The following TNFAIP2 variants were observed in gnomAD, a reference collection of about 807,000 sequenced individuals.
TNFAIP2 encodes the protein TNF alpha induced protein 2, also known as tumor necrosis factor alpha-induced protein 2.
A neutral mutation model predicts 63.5 loss-of-function variants in TNFAIP2; 47 were observed. The observed-to-expected ratio is 0.74, with a 90% confidence interval of 0.59 to 0.94. The LOEUF (loss-of-function observed/expected upper bound fraction) is 0.94. TNFAIP2 is among the 40% of genes least tolerant of loss of function. The pLI is 0.00. For synonymous variants in TNFAIP2, 405 were observed against 390.2 expected, an observed-to-expected ratio of 1.04 and a Z score of -0.45; for missense variants, 787 against 850.2, an observed-to-expected ratio of 0.93 and a Z score of 0.92.
Position 103,131,868 on chromosome 14 carries a change from A to T in TNFAIP2, c.1422+106A>T. 6.8e-7 allele frequency: 1 copy of T among 1,463,946 alleles called. No homozygotes were observed. The highest frequency in any genetic ancestry group is 1.4e-5 in the African/African-American group (1 of 71,738). The allele number at this position is 1,463,946 out of a possible 1,614,324, so 90.7% of individuals were successfully genotyped here. On this transcript the variant is annotated intron_variant, in intron 8 of 11. Transcript: ENST00000560869. The surrounding 1 kb of genome is among the most constrained non-coding windows in gnomAD (Gnocchi z 4.0). ...TGGCAGAAGCAAAGATGTGGGGAAG[A>T]CACGCTCCAGGCCTGTGGACGGCAC...
In TNFAIP2 at chr14:103,127,573, G is replaced by A. The variant is rs1449198481; in HGVS notation, c.804G>A (p.Glu268=). The part of the protein sequence containing the change: ...AAHLAAVAQF[E]LCERDTYMLL... The stretch of plus-strand genomic sequence containing the variant: ...ACCTGGCCGCCGTGGCGCAGTTCGA[G>A]CTGTGCGAGCGCGACACCTACATGC... Residue 268 remains glutamate, a synonymous_variant, in exon 3 of 12, where the codon GAG becomes GAA. Transcript: ENST00000560869. The surrounding 1 kb of genome is among the most constrained non-coding windows in gnomAD (Gnocchi z 5.1). 3 of 1,575,098 alleles carry A rather than the reference G, an allele frequency of 1.9e-6. No individual in the cohort carries two copies. In the African/African-American group the frequency reaches 4.0e-5, roughly 21 times the overall value.
chr14:103,131,354 AC>A lies in TNFAIP2; in HGVS notation c.1298+207del, dbSNP rs1173520478. Among the ~76,000 whole-genome samples, 1 of 152,160 alleles carries A rather than the reference AC, an allele frequency of 6.6e-6. No homozygotes were observed. The highest frequency in any genetic ancestry group is 6.5e-5 in the Admixed American group (1 of 15,286). On this transcript the variant is annotated intron_variant, in intron 7 of 11. Coordinates refer to ENST00000560869, the MANE Select transcript of TNFAIP2 (RefSeq NM_006291.4). The surrounding 1 kb of genome is among the most constrained non-coding windows in gnomAD (Gnocchi z 4.0). ...GGGCAAGCACACAGGCAGATGTTTC[AC>A]CCATTATCTTATCCTTAAAGCAACC...
In TNFAIP2 at chr14:103,126,619, G is replaced by A. The variant is rs201758932; in HGVS notation, c.162G>A (p.Lys54=). Residue 54 remains lysine, a synonymous_variant, in exon 2 of 12, where the codon AAG becomes AAA. Transcript: ENST00000560869. ...FCVFTKGKKK[K]GQPSSAEPED... Reference sequence around the variant, plus strand: ...TCTTCACCAAAGGGAAGAAGAAGAAGGGTCAGCCCAGCTCAGCGGAGCCCG... The same window carrying A: ...TCTTCACCAAAGGGAAGAAGAAGAAAGGTCAGCCCAGCTCAGCGGAGCCCG... 3.9e-6 allele frequency: 6 copies of A among 1,554,306 alleles called. No homozygotes were observed. Among genetic ancestry groups the A allele is most frequent in the African/African-American group, 1.4e-5 (1 of 73,610 alleles).
At chr14:103,128,343 A>G (rs1368374755) in intron 3 of TNFAIP2, among the ~76,000 whole-genome samples, 1 of 152,180 alleles carries the variant, frequency 6.6e-6, no homozygotes, top group African/African-American at 2.4e-5. Context: ...GGAGCCCCTC[A>G]GGTGGGAGGC....
intron 1 of TNFAIP2, among the ~76,000 whole-genome samples, chr14:103,125,628 G>C (rs565970172): frequency 6.6e-6 from 1 of 152,184 alleles, no homozygotes; most frequent in South Asian, 2.1e-4. Context: ...ACTTCAGGCC[G>C]CCCTGTGACT....
chr14:103,133,853 G>T, intron 11 of TNFAIP2, 50 bp downstream of exon 11: 1 of 1,539,764 alleles, frequency 6.5e-7, no homozygotes, highest in Non-Finnish European at 8.7e-7. Context: ...TGTGGCCAAG[G>T]CCTCACAGGG....
At chr14:103,126,833 A>G in intron 2 of TNFAIP2, 141 bp downstream of exon 2, 2 of 1,329,708 alleles carry the variant, frequency 1.5e-6, no homozygotes, top group South Asian at 3.0e-5. Flanking sequence ...CTGTGCCGCA[A>G]TCTGGGGGGC....
chr14:103,126,676 T>A lies in TNFAIP2; in HGVS notation c.219T>A (p.Asp73Glu). 1 of 1,557,520 alleles carries A rather than the reference T, an allele frequency of 6.4e-7. No homozygotes were observed. The highest frequency in any genetic ancestry group is 8.7e-7 in the Non-Finnish European group (1 of 1,150,352). The change falls in exon 2 of 12, where the codon GAT becomes GAA. Residue 73 changes from aspartate to glutamate, a missense_variant. This residue lies in a region of TNFAIP2 where 258 missense variants were observed against 228.9 expected (regional missense o/e 1.13). Transcript: ENST00000560869. The part of the protein sequence containing the change: ...EDAAGSRQGL[D>E]GPPPTVEELK... Reference sequence around the variant, plus strand: ...CAGCCGGGTCCAGGCAGGGGCTGGATGGCCCGCCCCCCACAGGTGCTCTAG... The same window carrying A: ...CAGCCGGGTCCAGGCAGGGGCTGGAAGGCCCGCCCCCCACAGGTGCTCTAG...
At chr14:103,124,636 G>A (rs2087815734) in intron 1 of TNFAIP2, 1 of 152,384 alleles carries the variant, frequency 6.6e-6, no homozygotes, top group East Asian at 1.9e-4. Context: ...GGGCACCCAG[G>A]GTGGGGCTGA....
rs1454313275 is a variant in TNFAIP2 at position 103,127,926 on chromosome 14, G to A, written c.860+297G>A. Reference sequence around the variant, plus strand: ...TGGGGAAACTGAGGCACAGAAAATGGTAGGGATTTCATTCACGAGCGCCCA... The same window carrying A: ...TGGGGAAACTGAGGCACAGAAAATGATAGGGATTTCATTCACGAGCGCCCA... On this transcript the variant is annotated intron_variant, in intron 3 of 11. Coordinates refer to ENST00000560869, the MANE Select transcript of TNFAIP2 (RefSeq NM_006291.4). The surrounding 1 kb of genome is among the most constrained non-coding windows in gnomAD (Gnocchi z 5.1). 1.3e-5 allele frequency among the ~76,000 whole-genome samples: 2 copies of A among 152,198 alleles called. No homozygotes were observed. The highest frequency in any genetic ancestry group is 4.8e-5 in the African/African-American group (2 of 41,438).
At chr14:103,122,379 G>A (rs115185070), upstream of TNFAIP2, among the ~76,000 whole-genome samples, 870 of 152,306 alleles carry the variant, frequency 5.7e-3, 9 homozygotes, top group African/African-American at 0.02. Context: ...GAGTGATCAG[G>A]GGGCGGGGAA....
intron 3 of TNFAIP2, among the ~76,000 whole-genome samples, chr14:103,129,517 GT>G (rs2087926944): frequency 6.6e-6 from 1 of 151,470 alleles, no homozygotes; most frequent in African/African-American, 2.4e-5. Context: ...GGGGGGGGTG[GT>G]GAGAGAGTCA....
chr14:103,124,125 G>A (rs760244145), intron 1 of TNFAIP2, among the ~76,000 whole-genome samples, 174 bp downstream of exon 1: 1 of 152,170 alleles, frequency 6.6e-6, no homozygotes, highest in South Asian at 2.1e-4. Flanking sequence ...TGGCTGCACC[G>A]GCTCGCTGCT....
rs1437044305 is a variant in TNFAIP2, at chr14:103,135,313, G to A, written c.1918G>A (p.Ala640Thr). 2.5e-6 allele frequency: 4 copies of A among 1,613,790 alleles called. No homozygotes were observed. Among genetic ancestry groups the A allele is most frequent in the African/African-American group, 1.3e-5 (1 of 75,064 alleles). Residue 640 changes from alanine to threonine, a missense_variant, in exon 12 of 12, where the codon GCG becomes ACG. Transcript: ENST00000560869. This position sits in a 1 kb window ranked among gnomAD's most constrained non-coding sequence, Gnocchi z 7.6. ...IRSILDVSMG[A>T]QEPSRPLFSL... is the part of the protein sequence containing the mutation. ...GAGCATCTTGGACGTCAGCATGGGG[G>A]CGCAGGAGCCCTCCCGGCCCCTATT...
intron 3 of TNFAIP2, among the ~76,000 whole-genome samples, 154 bp from the exon 4 acceptor site, chr14:103,129,586 C>A (rs530946831): frequency 2.0e-5 from 3 of 152,166 alleles, no homozygotes; most frequent in African/African-American, 7.2e-5. Flanking sequence ...AGATGGAGGA[C>A]CCATCATCTG....
In TNFAIP2 at chr14:103,135,513, TG is replaced by T. The variant is rs1416713254; in HGVS notation, c.*154del. ...CTAGCCCTGGCGGAGGTGCAGGCCC[TG>T]TCAGCTGGAACTGGACAGACCTTGG... On this transcript the variant is annotated 3_prime_UTR_variant, in exon 12 of 12. Transcript: ENST00000560869. This position sits in a 1 kb window ranked among gnomAD's most constrained non-coding sequence, Gnocchi z 7.6. 1 of 1,488,364 alleles carries T rather than the reference TG, an allele frequency of 6.7e-7. No individual in the cohort carries two copies. The highest frequency in any genetic ancestry group is 1.4e-5 in the African/African-American group (1 of 71,344). 92.2% of individuals were successfully genotyped at this position (1,488,364 alleles called of 1,614,324 possible). A position where few individuals can be genotyped will look rare whatever the true frequency, so the allele number is the denominator to read the frequency against.
rs2088031771 is a variant in TNFAIP2, at chr14:103,133,459, A to G, written c.1643A>G (p.Gln548Arg). The change falls in exon 10 of 12, where the codon CAG (glutamine) becomes CGG (arginine). Residue 548 changes from glutamine (Q) to arginine (R), a missense_variant. Transcript: ENST00000560869. ...CTCAAGACGGCCGAGCAGCAGCAGCAGCTGGCTGGGTACATCCTGGCCAAT... is the reference window on the plus strand; with the variant it reads ...CTCAAGACGGCCGAGCAGCAGCAGCGGCTGGCTGGGTACATCCTGGCCAAT... ...LVLKTAEQQQ[Q>R]LAGYILANAD... is the part of the protein sequence containing the mutation. The G allele has an allele frequency of 1.2e-6, 2 of 1,613,960 alleles. No individual in the cohort carries two copies. The highest frequency in any genetic ancestry group is 1.7e-6 in the Non-Finnish European group (2 of 1,180,018).
At chr14:103,128,978 C>G (rs778494166) in intron 3 of TNFAIP2, among the ~76,000 whole-genome samples, 44 of 152,214 alleles carry the variant, frequency 2.9e-4, no homozygotes, top group Non-Finnish European at 6.0e-4. Context: ...AGGGACACAG[C>G]TGCATCTGGA....
chr14:103,128,672 G>A lies in TNFAIP2; in HGVS notation c.860+1043G>A, dbSNP rs558234821. On this transcript the variant is annotated intron_variant, in intron 3 of 11. Coordinates refer to ENST00000560869, the MANE Select transcript of TNFAIP2 (RefSeq NM_006291.4). ...GCCTCTGGCAGAAGGATAGAGAAAG[G>A]GTCCAGTGGAGAGGGTGGGAGAGGA... Among the ~76,000 whole-genome samples the A allele has an allele frequency of 1.4e-4, 21 of 152,304 alleles. No individual in the cohort carries two copies. The South Asian group carries it at 3.5e-3, about 26-fold the overall frequency.
Sources: allele counts gnomAD v4.1 joint callset (sites outside exome capture counted in the v4.1 genomes callset), GRCh38; gene constraint gnomAD v4.1.1; regional missense constraint gnomAD v4.1.1; non-coding constraint Gnocchi (gnomAD v3.1); transcripts MANE v1.5; gene names NCBI Gene and HGNC (gene_info 2026-07-23, HGNC 2026-07-21).